Variants in AMN1 observed in about 807,000 individuals in gnomAD.
AMN1 encodes protein AMN1 homolog.
In AMN1, 20 loss-of-function variants were observed where a neutral mutation model predicts 33.0. The observed-to-expected ratio is 0.61, with a 90% CI of 0.43 to 0.88. The LOEUF (loss-of-function observed/expected upper bound fraction) is 0.88, where lower values mean the gene tolerates loss of function less well. Among genes scored for constraint, AMN1 ranks in the 40% least tolerant of loss-of-function variants. AMN1 has a pLI of 0.00. For missense variants in AMN1, 246 were observed against 307.4 expected, an observed-to-expected ratio of 0.80 and a Z score of 1.49; for synonymous variants, 114 against 111.9, an observed-to-expected ratio of 1.02 and a Z score of -0.12.
chr12:31,688,502 G>T (rs954571565), intron 6 of AMN1, among the ~76,000 whole-genome samples: 5 of 152,050 alleles, frequency 3.3e-5, no homozygotes, highest in Non-Finnish European at 5.9e-5. Flanking sequence ...TATGTGCAAG[G>T]CCACCACATA....
intron 1 of AMN1, among the ~76,000 whole-genome samples, chr12:31,710,068 A>G (rs1028726059): frequency 1.6e-4 from 24 of 152,218 alleles, no homozygotes; most frequent in Non-Finnish European, 7.3e-5. Flanking sequence ...CTAATTGAAA[A>G]GTTTTATCTG....
At chr12:31,704,152 G>A (rs534199776) in intron 2 of AMN1, among the ~76,000 whole-genome samples, 10 of 152,126 alleles carry the variant, frequency 6.6e-5, no homozygotes, top group Admixed American at 3.9e-4. Flanking sequence ...CAAACTGTCC[G>A]TCTAAAAGGT....
chr12:31,719,978 A>G (rs1939821052), intron 1 of AMN1, among the ~76,000 whole-genome samples: 1 of 152,264 alleles, frequency 6.6e-6, no homozygotes, highest in African/African-American at 2.4e-5. Flanking sequence ...GTTATAATAT[A>G]TAGATGATAC....
At chr12:31,673,581 G>T in intron 6 of AMN1, 2 of 406,154 alleles carry the variant, frequency 4.9e-6, no homozygotes, top group African/African-American at 2.1e-5. Context: ...ACAAAGCTGG[G>T]TGGCTATAGA....
At chr12:31,673,574 A>G (rs1951326311) in intron 6 of AMN1, 1 of 399,832 alleles carries the variant, frequency 2.5e-6, no homozygotes, top group African/African-American at 2.1e-5. Flanking sequence ...AACCATGACA[A>G]AGCTGGGTGG....
chr12:31,691,137 CA>C (rs35531262), intron 5 of AMN1, among the ~76,000 whole-genome samples: 99,316 of 124,644 alleles, frequency 0.8, 38,365 homozygotes, highest in East Asian at 0.87. Context: ...GACTCCGTCT[CA>C]AAAAAAAAAA....
chr12:31,723,019 G>T (rs1019459973), intron 1 of AMN1, among the ~76,000 whole-genome samples: 1 of 152,056 alleles, frequency 6.6e-6, no homozygotes, highest in African/African-American at 2.4e-5. Context: ...TTAGCCAGGT[G>T]TGGTAGTGCA....
At chr12:31,676,475 G>C (rs1565758729) in intron 6 of AMN1, among the ~76,000 whole-genome samples, 1 of 150,694 alleles carries the variant, frequency 6.6e-6, no homozygotes, top group Admixed American at 6.6e-5. Flanking sequence ...CCAGAATTTG[G>C]CCCCCCCAGC....
intron 1 of AMN1, among the ~76,000 whole-genome samples, chr12:31,713,977 AT>A (rs1218696034): frequency 6.6e-6 from 1 of 152,156 alleles, no homozygotes; most frequent in Non-Finnish European, 1.5e-5. Flanking sequence ...CCTGTCCATT[AT>A]TTAATTATAC....
Position 31,672,220 on chromosome 12 carries a change from A to G in AMN1, c.*84T>C. The G allele has an allele frequency of 1.2e-6, 1 of 866,048 alleles. No individual in the cohort carries two copies. The highest frequency in any genetic ancestry group is 2.7e-5 in the East Asian group (1 of 37,538). The allele number at this position is 866,048 out of a possible 1,614,324, so 53.6% of individuals were successfully genotyped here. On this transcript the variant is annotated 3_prime_UTR_variant, in exon 7 of 7. Transcript: ENST00000281471. Reference sequence around the variant, plus strand: ...ATAATTAAAAATAGTGTTAACATTAAGTAGAATGCAAATCTCTATAGATGG... The same window carrying G: ...ATAATTAAAAATAGTGTTAACATTAGGTAGAATGCAAATCTCTATAGATGG...
At chr12:31,676,134 T>C (rs947600201) in intron 6 of AMN1, among the ~76,000 whole-genome samples, 14 of 151,572 alleles carry the variant, frequency 9.2e-5, no homozygotes, top group Non-Finnish European at 1.8e-4. Context: ...ATAAATCAAA[T>C]GAAAGTGAAA....
At chr12:31,727,498 T>A (rs536391106) in intron 1 of AMN1, among the ~76,000 whole-genome samples, 1 of 152,204 alleles carries the variant, frequency 6.6e-6, no homozygotes, top group African/African-American at 2.4e-5. Flanking sequence ...TCCATTCACA[T>A]TGGAGCGCTA....
chr12:31,698,224 T>C (rs1218686364), intron 3 of AMN1, among the ~76,000 whole-genome samples: 2 of 152,198 alleles, frequency 1.3e-5, no homozygotes, highest in African/African-American at 2.4e-5. Context: ...TTTTAGGAAA[T>C]AGGCAAAAGT....
intron 6 of AMN1, chr12:31,673,618 TTC>T: frequency 2.3e-6 from 1 of 433,624 alleles, no homozygotes; most frequent in South Asian, 1.7e-5. Flanking sequence ...TTCCAACTCT[TTC>T]TGTGAGGCCA....
At chr12:31,708,811 G>T (rs767212385) in intron 2 of AMN1, 1 of 182,004 alleles carries the variant, frequency 5.5e-6, no homozygotes, top group East Asian at 1.7e-4. Flanking sequence ...TTGGGGGCAG[G>T]TTCCTCTGAT....
At chr12:31,715,358 T>G (rs1274897951) in intron 1 of AMN1, 1 of 217,968 alleles carries the variant, frequency 4.6e-6, no homozygotes, top group African/African-American at 2.3e-5. Context: ...TTCAGCCTCA[T>G]CACCAGGATC....
At chr12:31,676,056 A>G (rs58582374) in intron 6 of AMN1, among the ~76,000 whole-genome samples, 5,132 of 151,898 alleles carry the variant, frequency 0.034, 397 homozygotes, top group African/African-American at 0.12. Context: ...TCAACAATGA[A>G]TAATCCAAAA....
In AMN1 at chr12:31,697,379, AG is replaced by A. The variant is rs1938775927; in HGVS notation, c.572del (p.Pro191LeufsTer6). ...AAATTACCTCTAATTTCTTCGCACA[AG>A]GTCCACTAACAAGTGCAATCACACC... The part of the protein sequence containing the change: ...DSGVIALVSG[P>X]CAKKLEEIHM... On this transcript the variant is annotated frameshift_variant, in exon 5 of 7. Transcript: ENST00000281471. LOFTEE classifies it high-confidence loss of function. 6.2e-7 allele frequency: 1 copy of A among 1,612,390 alleles called. No individual in the cohort carries two copies.
At chr12:31,718,452 C>T (rs189080705) in intron 1 of AMN1, among the ~76,000 whole-genome samples, 270 of 152,170 alleles carry the variant, frequency 1.8e-3, no homozygotes, top group Middle Eastern at 0.014. Context: ...GTTTTGTTCC[C>T]TTGCTGGCAA....
Sources: allele counts gnomAD v4.1 joint callset (sites outside exome capture counted in the v4.1 genomes callset), GRCh38; gene constraint gnomAD v4.1.1; transcripts MANE v1.5; gene names NCBI Gene and HGNC (gene_info 2026-07-23, HGNC 2026-07-21).